VIT: variants seen among roughly 807,000 people sequenced by gnomAD.
VIT encodes vitrin.
Under a neutral mutation model 78.0 loss-of-function variants are expected in VIT, and 99 were observed. The observed-to-expected ratio is 1.27, with a 90% confidence interval of 1.08 to 1.50. The LOEUF (loss-of-function observed/expected upper bound fraction) is 1.50. Ranked by LOEUF, VIT falls within the 40% of genes most tolerant of loss-of-function variation. The probability of loss-of-function intolerance (pLI) is 0.00; values close to 1 mark genes in which losing one functional copy is unlikely to be tolerated. For synonymous variants in VIT, 374 were observed against 334.3 expected (o/e 1.12, Z -1.29); for missense variants, 1,126 against 875.3 (o/e 1.29, Z -3.61).
chr2:36,725,272 C>A (rs558761297), intron 2 of VIT, among the ~76,000 whole-genome samples: 1 of 152,170 alleles, frequency 6.6e-6, no homozygotes. Context: ...TTAGTTCATG[C>A]AGTCTGCTAT....
chr2:36,725,602 T>TGGGGGGGGGG (rs112932967), intron 2 of VIT, among the ~76,000 whole-genome samples: 3 of 48,812 alleles, frequency 6.1e-5, no homozygotes, highest in African/African-American at 1.4e-4. Context: ...AGTTGAGGGG[T>TGGGGGGGGGG]GGGGGGGGGG....
chr2:36,730,449 C>T (rs1405507099), intron 3 of VIT, among the ~76,000 whole-genome samples: 4 of 152,210 alleles, frequency 2.6e-5, no homozygotes, highest in Non-Finnish European at 5.9e-5. Context: ...CCATGCGGCT[C>T]CCAATTCATT....
At chr2:36,712,443 C>G (rs915360835) in intron 1 of VIT, among the ~76,000 whole-genome samples, 7 of 152,210 alleles carry the variant, frequency 4.6e-5, no homozygotes, top group Non-Finnish European at 1.0e-4. Flanking sequence ...TCTCTGCTCT[C>G]CGCCTTCCCT....
chr2:36,707,874 A>C (rs938371289), intron 1 of VIT, among the ~76,000 whole-genome samples: 1 of 142,460 alleles, frequency 7.0e-6, no homozygotes, highest in Non-Finnish European at 1.5e-5. Flanking sequence ...AAAAAAAAAA[A>C]GGGAAGTAAA....
At chr2:36,804,062 C>G (rs1237460921) in intron 13 of VIT, among the ~76,000 whole-genome samples, 2 of 152,318 alleles carry the variant, frequency 1.3e-5, no homozygotes, top group East Asian at 3.9e-4. Flanking sequence ...GACAATTGGT[C>G]ATTGTCTAGT....
At chr2:36,748,998 T>A (rs1201840743) in intron 4 of VIT, among the ~76,000 whole-genome samples, 2 of 152,188 alleles carry the variant, frequency 1.3e-5, no homozygotes, top group East Asian at 3.8e-4. Context: ...TCCGTCGACC[T>A]TACTGTGGAG....
intron 3 of VIT, among the ~76,000 whole-genome samples, chr2:36,731,095 C>G (rs772461929): frequency 3.3e-5 from 5 of 151,864 alleles, no homozygotes; most frequent in Non-Finnish European, 7.4e-5. Context: ...TTTAAACTGT[C>G]TTCTGCTTGG....
intron 12 of VIT, among the ~76,000 whole-genome samples, chr2:36,797,962 G>A (rs1666027622): frequency 6.6e-6 from 1 of 152,134 alleles, no homozygotes; most frequent in South Asian, 2.1e-4. Flanking sequence ...TGAGCTTGGA[G>A]GGTGGGCACG....
chr2:36,809,942 G>C (rs1271707904), intron 15 of VIT, among the ~76,000 whole-genome samples: 1 of 137,464 alleles, frequency 7.3e-6, no homozygotes, highest in African/African-American at 2.8e-5. Context: ...AGTGATCTAT[G>C]ATTGCACCAC....
rs556437895 is a variant in VIT, at chr2:36,736,027, T to C, written c.118+6536T>C. On this transcript the variant is annotated intron_variant, in intron 3 of 15. Transcript: ENST00000379242. The stretch of plus-strand genomic sequence containing the variant: ...TAATCCAAGGTAAAGTTTACCTTAC[T>C]GCAGTAATGAGAGTTTTATCACTTT... Among the ~76,000 whole-genome samples, 198 of 152,338 alleles carry C rather than the reference T, an allele frequency of 1.3e-3. 1 individual carries two copies. The highest frequency in any genetic ancestry group is 2.3e-3 in the Non-Finnish European group (159 of 68,036).
intron 1 of VIT, among the ~76,000 whole-genome samples, chr2:36,705,862 T>C (rs1208359821): frequency 1.3e-5 from 2 of 152,234 alleles, no homozygotes; most frequent in African/African-American, 4.8e-5. Context: ...CACTTCTTTG[T>C]TGTGGAGGCT....
chr2:36,737,383 G>A (rs760645569), intron 3 of VIT, among the ~76,000 whole-genome samples: 13 of 152,130 alleles, frequency 8.5e-5, no homozygotes, highest in Admixed American at 8.5e-4. Context: ...ACTAGAGGGC[G>A]GGGACTCCTG....
intron 7 of VIT, among the ~76,000 whole-genome samples, chr2:36,772,742 CT>C (rs1669837289): frequency 6.6e-6 from 1 of 152,314 alleles, no homozygotes; most frequent in African/African-American, 2.4e-5. Flanking sequence ...AAGAAACCTA[CT>C]TTGAAATTGT....
In VIT at chr2:36,814,537, C is replaced by A; in HGVS notation, c.*176C>A. On this transcript the variant is annotated 3_prime_UTR_variant, in exon 16 of 16. Coordinates refer to ENST00000379242, the MANE Select transcript of VIT (RefSeq NM_053276.4). The stretch of plus-strand genomic sequence containing the variant: ...TTTCATATTCCAAAACTTGGAGTTA[C>A]AAAGATGATCACAAACGTATAGAAT... The A allele has an allele frequency of 1.3e-6, 1 of 774,534 alleles. No homozygotes were observed. The highest frequency in any genetic ancestry group is 2.0e-6 in the Non-Finnish European group (1 of 505,650). 48.0% of individuals were successfully genotyped at this position (774,534 alleles called of 1,614,324 possible).
intron 8 of VIT, chr2:36,774,402 G>A (rs1669933192): frequency 1.3e-6 from 1 of 745,926 alleles, no homozygotes. Flanking sequence ...GCAGAGATTA[G>A]AAAGGAAAAT....
At position 36,808,831 on chromosome 2, in the gene VIT, G is replaced by C. The variant is rs1198934312; in HGVS notation, c.1749G>C (p.Trp583Cys). ...ACGCCATCAAGAGGGTGGGCTACTG[G>C]AGTGGTGGCACCAGCACGGGGGCTG... ...ILNAIKRVGY[W>C]SGGTSTGAAI... The change falls in exon 15 of 16, where the codon TGG (tryptophan) becomes TGC (cysteine). Residue 583 changes from tryptophan to cysteine, a missense_variant. Coordinates refer to ENST00000379242, the MANE Select transcript of VIT (RefSeq NM_053276.4). 6.2e-7 allele frequency: 1 copy of C among 1,614,236 alleles called. No individual in the cohort carries two copies. Among genetic ancestry groups the C allele is most frequent in the Non-Finnish European group, 8.5e-7 (1 of 1,180,044 alleles).
chr2:36,774,712 G>C, intron 8 of VIT: 2 of 985,326 alleles, frequency 2.0e-6, no homozygotes, highest in Non-Finnish European at 2.4e-6. Flanking sequence ...TGGACAAAAA[G>C]GCTTGAGAAT....
intron 1 of VIT, among the ~76,000 whole-genome samples, chr2:36,705,627 T>C (rs1476081558): frequency 6.6e-6 from 1 of 152,166 alleles, no homozygotes; most frequent in Non-Finnish European, 1.5e-5. Flanking sequence ...CAACTGCCCA[T>C]GAGGAAACAT....
At chr2:36,711,982 C>G (rs1274596733) in intron 1 of VIT, among the ~76,000 whole-genome samples, 2 of 152,138 alleles carry the variant, frequency 1.3e-5, no homozygotes, top group Non-Finnish European at 2.9e-5. Flanking sequence ...TTGGAAGCCC[C>G]TATTGTTCAG....
Sources: gnomAD v4.1 joint callset for allele counts (sites outside exome capture counted in the v4.1 genomes callset) on GRCh38, gnomAD v4.1.1 for gene constraint, MANE v1.5 for transcripts, NCBI Gene and HGNC (gene_info 2026-07-23, HGNC 2026-07-21) for gene names.